Variants in PCDH15 observed in about 807,000 individuals in gnomAD.
PCDH15 encodes protocadherin-15.
Under a neutral mutation model 178.5 loss-of-function variants are expected in PCDH15, and 129 were observed. The observed-to-expected ratio is 0.72, with a 90% confidence interval of 0.63 to 0.84. The LOEUF (loss-of-function observed/expected upper bound fraction) is 0.84. Among genes scored for constraint, PCDH15 ranks in the 40% least tolerant of loss-of-function variants. The pLI, the probability that PCDH15 is intolerant of heterozygous loss-of-function variation, is 0.00. For missense variants in PCDH15, 2,230 were observed against 2,099.9 expected (o/e 1.06, Z -1.21); for synonymous variants, 800 against 732.0 (o/e 1.09, Z -1.50).
chr10:54,431,425 TC>T (rs1956959531), intron 3 of PCDH15, among the ~76,000 whole-genome samples: 1 of 152,200 alleles, frequency 6.6e-6, no homozygotes, highest in African/African-American at 2.4e-5. Flanking sequence ...GTGAGATTTA[TC>T]CCAGGTATGC....
intron 1 of PCDH15, among the ~76,000 whole-genome samples, chr10:55,297,184 C>T (rs1006048454): frequency 6.6e-6 from 1 of 151,190 alleles, no homozygotes. Flanking sequence ...AAAAAAAATA[C>T]CCTAAAGAAA....
chr10:55,076,944 T>G (rs893124593), intron 2 of PCDH15, among the ~76,000 whole-genome samples: 2 of 151,690 alleles, frequency 1.3e-5, no homozygotes, highest in Admixed American at 6.6e-5. Context: ...AATTTTGGTA[T>G]TTTTAGTAAA....
chr10:55,222,028 G>A lies in PCDH15; in HGVS notation c.-155-55377C>T, dbSNP rs374656440. Among the ~76,000 whole-genome samples the A allele has an allele frequency of 5.7e-4, 86 of 149,894 alleles. 1 individual carries two copies. In the South Asian group the frequency reaches 0.012, roughly 21 times the overall value. ...ACTACAGGCACCCGCCACCACACCC[G>A]GCTAATTTTTTTTTTTTTTTGTATT... On this transcript the variant is annotated intron_variant, in intron 1 of 5. Transcript: ENST00000458638.
At chr10:54,380,920 A>G (rs1230599732) in intron 3 of PCDH15, among the ~76,000 whole-genome samples, 1 of 151,268 alleles carries the variant, frequency 6.6e-6, no homozygotes, top group East Asian at 2.0e-4. Context: ...CATGGAAAAG[A>G]TCTATAGTTT....
intron 18 of PCDH15, among the ~76,000 whole-genome samples, chr10:54,058,202 T>C (rs890419415): frequency 2.0e-5 from 3 of 152,162 alleles, no homozygotes; most frequent in African/African-American, 7.2e-5. Flanking sequence ...GTTGCTTCCA[T>C]ATTTTTGGGT....
chr10:55,254,886 A>G (rs1318805707), intron 1 of PCDH15, among the ~76,000 whole-genome samples: 1 of 152,196 alleles, frequency 6.6e-6, no homozygotes, highest in Admixed American at 6.5e-5. Flanking sequence ...GAAACAGTTT[A>G]GTCAACCTTA....
At chr10:54,809,224 T>G (rs1393289752) in intron 3 of PCDH15, among the ~76,000 whole-genome samples, 1 of 152,166 alleles carries the variant, frequency 6.6e-6, no homozygotes, top group Non-Finnish European at 1.5e-5. Context: ...GCCCTTAGAT[T>G]GTATCAACTT....
chr10:54,381,829 A>C (rs565852272), intron 3 of PCDH15, among the ~76,000 whole-genome samples: 1 of 152,240 alleles, frequency 6.6e-6, no homozygotes, highest in Admixed American at 6.5e-5. Flanking sequence ...TTTGATACTC[A>C]TATAATAGAA....
chr10:54,703,131 T>G (rs1022836040), intron 1 of PCDH15, among the ~76,000 whole-genome samples: 6 of 152,082 alleles, frequency 3.9e-5, no homozygotes, highest in African/African-American at 1.4e-4. Flanking sequence ...CAAATCCACA[T>G]GATCATCTCA....
intron 18 of PCDH15, among the ~76,000 whole-genome samples, chr10:54,032,646 T>C (rs1282492849): frequency 6.6e-6 from 1 of 152,104 alleles, no homozygotes; most frequent in African/African-American, 2.4e-5. Flanking sequence ...TTTTGTTCTT[T>C]AAATAAAACT....
chr10:54,558,318 G>A (rs1263891142), intron 2 of PCDH15, among the ~76,000 whole-genome samples: 1 of 152,012 alleles, frequency 6.6e-6, no homozygotes, highest in Non-Finnish European at 1.5e-5. Flanking sequence ...TTTTCTTCAG[G>A]AAATTTCCAC....
rs535338724 is a variant in PCDH15, at chr10:53,827,613, A to T, written c.4212-65T>A. 649 of 1,575,610 alleles carry T rather than the reference A, an allele frequency of 4.1e-4. 1 individual carries two copies. The highest frequency in any genetic ancestry group is 3.2e-3 in the Middle Eastern group (17 of 5,290). ...AAATCATAATGCTTATCAATAAGCC[A>T]CCTTTTAATAATGGGGTCCAGTTAT... On this transcript the variant is annotated intron_variant, in intron 31 of 37. Transcript: ENST00000644397.
intron 2 of PCDH15, among the ~76,000 whole-genome samples, chr10:54,633,680 A>C (rs1444566310): frequency 6.6e-6 from 1 of 152,092 alleles, no homozygotes; most frequent in Non-Finnish European, 1.5e-5. Flanking sequence ...TCCTCCCCAC[A>C]CAAACACTGG....
At chr10:55,209,992 T>C (rs1019013449) in intron 1 of PCDH15, among the ~76,000 whole-genome samples, 1 of 151,878 alleles carries the variant, frequency 6.6e-6, no homozygotes, top group African/African-American at 2.4e-5. Flanking sequence ...GATAGAAGAA[T>C]GAGTGTGCAA....
upstream of PCDH15, among the ~76,000 whole-genome samples, chr10:55,320,216 TG>T (rs1843852254): frequency 2.0e-5 from 3 of 152,204 alleles, no homozygotes; most frequent in South Asian, 6.2e-4. Flanking sequence ...TGGACTCCAC[TG>T]TGCCACTGTT....
chr10:54,203,044 G>A (rs372622051), intron 10 of PCDH15, among the ~76,000 whole-genome samples: 1 of 152,170 alleles, frequency 6.6e-6, no homozygotes, highest in African/African-American at 2.4e-5. Context: ...TAGCCCTATT[G>A]GTTAGTGGAC....
At chr10:54,143,189 G>A (rs1025754191) in intron 14 of PCDH15, among the ~76,000 whole-genome samples, 4 of 152,020 alleles carry the variant, frequency 2.6e-5, no homozygotes, top group African/African-American at 7.2e-5. Flanking sequence ...GTTTCCTTTG[G>A]GTGATATTTA....
intron 2 of PCDH15, among the ~76,000 whole-genome samples, chr10:55,030,345 G>C (rs1056296457): frequency 2.6e-5 from 4 of 152,128 alleles, no homozygotes; most frequent in African/African-American, 9.7e-5. Flanking sequence ...CAAATCATCT[G>C]TCTGTTTGAT....
intron 2 of PCDH15, among the ~76,000 whole-genome samples, chr10:55,460,089 A>T (rs1839640755): frequency 6.6e-6 from 1 of 151,968 alleles, no homozygotes; most frequent in Admixed American, 6.6e-5. Context: ...GGAACTGACA[A>T]AGAAAACAGG....
Sources: allele counts gnomAD v4.1 joint callset (sites outside exome capture counted in the v4.1 genomes callset), GRCh38; gene constraint gnomAD v4.1.1; transcripts MANE v1.5; gene names NCBI Gene and HGNC (gene_info 2026-07-23, HGNC 2026-07-21).